Variants in ARHGAP33 observed in about 807,000 individuals in gnomAD.
ARHGAP33 encodes the protein rho GTPase-activating protein 33.
Under a neutral mutation model 126.2 loss-of-function variants are expected in ARHGAP33, and 57 were observed. The ratio of observed to expected loss-of-function variants is 0.45; its 90% CI spans 0.36 to 0.56. The LOEUF (loss-of-function observed/expected upper bound fraction) is 0.56. Ranked by LOEUF, ARHGAP33 falls within the 20% of genes least tolerant of loss-of-function variation. The pLI is 0.00. For missense variants in ARHGAP33, 1,500 were observed against 1,748.3 expected (o/e 0.86, Z 2.53); for synonymous variants, 711 against 755.0 (o/e 0.94, Z 0.95).
intron 11 of ARHGAP33, 23 bp downstream of exon 11, chr19:35,781,095 C>T (rs1967860226): frequency 6.2e-7 from 1 of 1,610,962 alleles, no homozygotes; most frequent in Non-Finnish European, 8.5e-7. Context: ...CCCACCCACC[C>T]CACCCGTCAC....
Position 35,785,180 on chromosome 19 carries a change from A to G in ARHGAP33, c.1722-9A>G. 1 of 1,575,210 alleles carries G rather than the reference A, an allele frequency of 6.3e-7. No homozygotes were observed. The highest frequency in any genetic ancestry group is 8.6e-7 in the Non-Finnish European group (1 of 1,156,570). ...TCAGACGGCCTCCTGTTTCTCCCCC[A>G]AACCGCAGGAGGAAAGGGGAGAGAG... On this transcript the variant is annotated splice_polypyrimidine_tract_variant and intron_variant, in intron 17 of 20. Coordinates refer to ENST00000007510, the MANE Select transcript of ARHGAP33 (RefSeq NM_001366178.1).
intron 10 of ARHGAP33, 24 bp downstream of exon 10, chr19:35,780,840 C>G: frequency 6.2e-7 from 1 of 1,613,730 alleles, no homozygotes; most frequent in Non-Finnish European, 8.5e-7. Context: ...GCGGTCAGGT[C>G]CCAGCCCCTA....
rs557796634 is a variant in ARHGAP33, at chr19:35,785,467, G to T, written c.1926G>T (p.Ser642=). 1.2e-6 allele frequency: 2 copies of T among 1,614,200 alleles called. No homozygotes were observed. Among genetic ancestry groups the T allele is most frequent in the African/African-American group, 2.7e-5 (2 of 75,060 alleles). ...CCAAGAGCGAGGAGTCTCTGTCATC[G>T]CAGGCCAGCGGGGCTGGTGAGCAAG... ...RSAKSEESLS[S]QASGAGLQRL... The change falls in exon 19 of 21, where the codon TCG becomes TCT. Residue 642 remains serine, a synonymous_variant. Transcript: ENST00000007510.
intron 11 of ARHGAP33, 26 bp downstream of exon 11, chr19:35,781,098 C>CCCGT: frequency 6.2e-7 from 1 of 1,610,766 alleles, no homozygotes; most frequent in Non-Finnish European, 8.5e-7. Context: ...ACCCACCCCA[C>CCCGT]CCGTCACACC....
Position 35,782,725 on chromosome 19 carries a change from G to T in ARHGAP33, c.1314-37G>T. On this transcript the variant is annotated intron_variant, in intron 14 of 20. Coordinates refer to ENST00000007510, the MANE Select transcript of ARHGAP33 (RefSeq NM_001366178.1). The surrounding 1 kb of genome is among the most constrained non-coding windows in gnomAD (Gnocchi z 4.1). ...CGGGACTTGGTGGGATTCCAAGGGG[G>T]TTGAGGCTCAGGTGCCCCCTCTGCT... The T allele has an allele frequency of 6.2e-7, 1 of 1,611,080 alleles. No homozygotes were observed. The highest frequency in any genetic ancestry group is 8.5e-7 in the Non-Finnish European group (1 of 1,178,574).
intron 9 of ARHGAP33, 53 bp downstream of exon 9, chr19:35,780,701 C>A (rs940938803): frequency 1.2e-6 from 2 of 1,610,498 alleles, no homozygotes; most frequent in African/African-American, 1.3e-5. Context: ...AGGGGTGGGG[C>A]CTCCTGCGTC....
At position 35,787,366 on chromosome 19, in the gene ARHGAP33, C is replaced by T. The variant is rs1314581741; in HGVS notation, c.2801C>T (p.Ser934Leu). Reference sequence around the variant, plus strand: ...GCTTCCCAATCCCCCTTCCACCGCTCGCTGTCTCTGGAGGTGGGCGGGGAG... The same window carrying T: ...GCTTCCCAATCCCCCTTCCACCGCTTGCTGTCTCTGGAGGTGGGCGGGGAG... ...PPASQSPFHR[S>L]LSLEVGGEPL... Residue 934 changes from serine (S) to leucine (L), a missense_variant, in exon 21 of 21, where the codon TCG (serine) becomes TTG (leucine). Coordinates refer to ENST00000007510, the MANE Select transcript of ARHGAP33 (RefSeq NM_001366178.1). 20 of 1,609,818 alleles carry T rather than the reference C, an allele frequency of 1.2e-5. No individual in the cohort carries two copies. Among genetic ancestry groups the T allele is most frequent in the Admixed American group, 1.7e-5 (1 of 59,454 alleles).
At chr19:35,779,952 G>A (rs1971662635) in intron 6 of ARHGAP33, 3 of 591,416 alleles carry the variant, frequency 5.1e-6, no homozygotes, top group Non-Finnish European at 6.4e-6. Flanking sequence ...AAGCCTTCAG[G>A]TGGGGAAGCC....
intron 15 of ARHGAP33, among the ~76,000 whole-genome samples, chr19:35,783,887 T>G (rs1971940080): frequency 8.2e-5 from 4 of 49,014 alleles, no homozygotes; most frequent in South Asian, 6.3e-4. Flanking sequence ...CTGGGCCAGA[T>G]GGGGGGCAGT....
At chr19:35,780,146 G>A (rs1971678135) in intron 6 of ARHGAP33, 65 bp from the exon 7 acceptor site, 1 of 1,591,050 alleles carries the variant, frequency 6.3e-7, no homozygotes, top group East Asian at 2.2e-5. Flanking sequence ...GCGCGGAGGA[G>A]CTTGGTATGC....
chr19:35,782,855 A>T lies in ARHGAP33; in HGVS notation c.1407A>T (p.Ala469=). 6.2e-7 allele frequency: 1 copy of T among 1,612,574 alleles called. No individual in the cohort carries two copies. Among genetic ancestry groups the T allele is most frequent in the South Asian group, 1.1e-5 (1 of 90,750 alleles). The change falls in exon 15 of 21, where the codon GCA becomes GCT. Residue 469 remains alanine (A), a synonymous_variant. Transcript: ENST00000007510. The surrounding 1 kb of genome is among the most constrained non-coding windows in gnomAD (Gnocchi z 4.1). ...CCCGCAACCTGGCCATTGTCTGGGC[A>T]CCCAACCTGCTACGGTGAGCTGCTT... The part of the protein sequence containing the change: ...MHARNLAIVW[A]PNLLRSMELE...
In ARHGAP33 at chr19:35,785,179, C is replaced by G. The variant is rs1442014033; in HGVS notation, c.1722-10C>G. The stretch of plus-strand genomic sequence containing the variant: ...CTCAGACGGCCTCCTGTTTCTCCCC[C>G]AAACCGCAGGAGGAAAGGGGAGAGA... On this transcript the variant is annotated splice_polypyrimidine_tract_variant and intron_variant, in intron 17 of 20. Transcript: ENST00000007510. 2 of 1,576,116 alleles carry G rather than the reference C, an allele frequency of 1.3e-6. No individual in the cohort carries two copies. Among genetic ancestry groups the G allele is most frequent in the Non-Finnish European group, 1.7e-6 (2 of 1,156,964 alleles).
chr19:35,784,027 T>C lies in ARHGAP33; in HGVS notation c.1422-145T>C, dbSNP rs184073228. The C allele has an allele frequency of 1.4e-3, 892 of 632,428 alleles. 9 individuals are homozygous for C. The highest frequency in any genetic ancestry group is 9.1e-3 in the South Asian group (433 of 47,710). 39.2% of individuals were successfully genotyped at this position (632,428 alleles called of 1,614,324 possible). A position where few individuals can be genotyped will look rare whatever the true frequency, so the allele number is the denominator to read the frequency against. On this transcript the variant is annotated intron_variant, in intron 15 of 20. Transcript: ENST00000007510. ...CAGGAGGGGCGGGTCTGGGGGAAGG[T>C]TGAGAGCCCAGCGAGGCGTGATCAG...
rs1972105747 is a variant in ARHGAP33 at position 35,786,266 on chromosome 19, G to T, written c.1943-147G>T. ...TTGGGCCGGAAGTGTCCTCTTCATG[G>T]TCTCCACTGTCAATCTGAACAGCTC... On this transcript the variant is annotated intron_variant, in intron 19 of 20. Transcript: ENST00000007510. The surrounding 1 kb of genome is among the most constrained non-coding windows in gnomAD (Gnocchi z 7.0). 1 of 1,429,656 alleles carries T rather than the reference G, an allele frequency of 7.0e-7. No individual in the cohort carries two copies. Among genetic ancestry groups the T allele is most frequent in the Non-Finnish European group, 9.1e-7 (1 of 1,096,448 alleles). 88.6% of individuals were successfully genotyped at this position (1,429,656 alleles called of 1,614,324 possible). A position where few individuals can be genotyped will look rare whatever the true frequency, so the allele number is the denominator to read the frequency against.
In ARHGAP33 at chr19:35,780,762, G is replaced by T. The variant is rs772040013; in HGVS notation, c.775G>T (p.Asp259Tyr). ...RPGPGLKADA[D>Y]GPPCGIPAPQ... is the part of the protein sequence containing the mutation. ...CCCCATTTTTCGCCTAGCAGATGCC[G>T]ATGGCCCCCCATGTGGCATCCCGGC... Residue 259 changes from aspartate (D) to tyrosine (Y), a missense_variant, in exon 10 of 21, where the codon GAT becomes TAT. Physicochemically the swap from Asp to Tyr is radical, Grantham distance 160 (BLOSUM62 -3). Coordinates refer to ENST00000007510, the MANE Select transcript of ARHGAP33 (RefSeq NM_001366178.1). 2.5e-6 allele frequency: 4 copies of T among 1,613,814 alleles called. No homozygotes were observed. Among genetic ancestry groups the T allele is most frequent in the Non-Finnish European group, 3.4e-6 (4 of 1,180,004 alleles).
At chr19:35,777,478 G>C in intron 1 of ARHGAP33, 167 bp from the exon 2 acceptor site, 1 of 639,802 alleles carries the variant, frequency 1.6e-6, no homozygotes, top group Non-Finnish European at 2.8e-6. Flanking sequence ...CGAAGAAGCA[G>C]TCCTGTCCTC....
intron 19 of ARHGAP33, 37 bp downstream of exon 19, chr19:35,785,520 C>T: frequency 6.2e-7 from 1 of 1,612,870 alleles, no homozygotes; most frequent in Non-Finnish European, 8.5e-7. Flanking sequence ...GCTACCTGTG[C>T]CCATGTGGAG....
intron 16 of ARHGAP33, chr19:35,784,691 G>T: frequency 7.6e-7 from 1 of 1,324,110 alleles, no homozygotes; most frequent in Non-Finnish European, 9.6e-7. Flanking sequence ...CACGTCGGAG[G>T]GCCCTCTGGC....
In ARHGAP33 at chr19:35,787,467, C is replaced by T. The variant is rs754369673; in HGVS notation, c.2902C>T (p.Pro968Ser). Residue 968 changes from proline (P) to serine (S), a missense_variant, in exon 21 of 21, where the codon CCC (proline) becomes TCC (serine). Pro to Ser is a moderately conservative substitution (Grantham distance 74). Around this residue, in one of 6 missense-constraint regions of ARHGAP33, gnomAD observed 642 missense variants for 634.0 expected, o/e 1.01. Coordinates refer to ENST00000007510, the MANE Select transcript of ARHGAP33 (RefSeq NM_001366178.1). The stretch of plus-strand genomic sequence containing the variant: ...GGGTGCCTGGGTCCCGGGACCCCCA[C>T]CCTACTTACCAAGGCAACAAAGTGA... ...HPGAWVPGPPPYLPRQQSDGS... is the reference protein window; with the variant it reads ...HPGAWVPGPPSYLPRQQSDGS... 1.2e-6 allele frequency: 2 copies of T among 1,612,492 alleles called. No individual in the cohort carries two copies. Among genetic ancestry groups the T allele is most frequent in the Admixed American group, 3.3e-5 (2 of 59,962 alleles).
Sources: allele counts gnomAD v4.1 joint callset (sites outside exome capture counted in the v4.1 genomes callset), GRCh38; gene constraint gnomAD v4.1.1; regional missense constraint gnomAD v4.1.1; non-coding constraint Gnocchi (gnomAD v3.1); transcripts MANE v1.5; gene names NCBI Gene and HGNC (gene_info 2026-07-23, HGNC 2026-07-21).